Variants in SBNO1 observed in about 807,000 individuals in gnomAD.
SBNO1 encodes the protein protein strawberry notch homolog 1.
A neutral mutation model predicts 173.6 loss-of-function variants in SBNO1; 23 were observed. The observed-to-expected ratio is 0.13, with a 90% confidence interval of 0.10 to 0.19. The LOEUF is 0.19. Ranked by LOEUF, SBNO1 falls within the 10% of genes least tolerant of loss-of-function variation. The pLI is 1.00. For missense variants in SBNO1, 1,238 were observed against 1,671.2 expected (o/e 0.74, Z 4.52); for synonymous variants, 632 against 571.5 (o/e 1.11, Z -1.51).
At chr12:123,362,984 G>A (rs1350192747) in intron 1 of SBNO1, among the ~76,000 whole-genome samples, 1 of 151,958 alleles carries the variant, frequency 6.6e-6, no homozygotes, top group Non-Finnish European at 1.5e-5. Context: ...CTACTCCGGA[G>A]GCTGAAGTGG....
chr12:123,302,245 TTTTTG>T (rs2048814185), intron 30 of SBNO1, among the ~76,000 whole-genome samples: 2 of 138,690 alleles, frequency 1.4e-5, no homozygotes, highest in African/African-American at 5.4e-5. Flanking sequence ...ATTGTTTTTT[TTTTTG>T]TTTTTTTTTT....
At position 123,294,890 on chromosome 12, in the gene SBNO1, CAAA is replaced by C. The variant is rs1465598508; in HGVS notation, c.*1015_*1017del. On this transcript the variant is annotated 3_prime_UTR_variant, in exon 32 of 32. Coordinates refer to ENST00000602398, the MANE Select transcript of SBNO1 (RefSeq NM_001167856.3). ...TGAGTAACAACAATAACAACAATAA[CAAA>C]AGAACACACAGCAGAAGCCTCAAGT... 1.3e-5 allele frequency: 2 copies of C among 150,700 alleles called. No individual in the cohort carries two copies. The highest frequency in any genetic ancestry group is 1.5e-5 in the Non-Finnish European group (1 of 68,040). 9.3% of individuals were successfully genotyped at this position (150,700 alleles called of 1,614,324 possible).
intron 5 of SBNO1, among the ~76,000 whole-genome samples, chr12:123,339,001 A>C (rs1192092540): frequency 6.6e-6 from 1 of 151,748 alleles, no homozygotes; most frequent in Non-Finnish European, 1.5e-5. Context: ...GCCAATAAAA[A>C]ACTTTTGGTA....
rs1874074816 is a variant in SBNO1 at position 123,353,118 on chromosome 12, TA to T, written c.1-2678del. On this transcript the variant is annotated intron_variant, in intron 1 of 31. Transcript: ENST00000602398. ...CAGCCTCCCAAAGGAGATTTCTCCA[TA>T]ATTTTCCAGAAAAAGGAAAAGCAAC... Among the ~76,000 whole-genome samples the T allele has an allele frequency of 2.6e-5, 4 of 152,250 alleles. No individual in the cohort carries two copies. In the South Asian group the frequency reaches 8.3e-4, roughly 32 times the overall value.
chr12:123,330,596 A>T (rs1008231765), intron 8 of SBNO1, 87 bp from the exon 9 acceptor site: 4 of 575,864 alleles, frequency 6.9e-6, no homozygotes, highest in African/African-American at 4.9e-5. Context: ...AGGTCTTGAC[A>T]CTTAAAAAAA....
At chr12:123,363,906 A>G (rs1412869448) in intron 1 of SBNO1, 2 of 985,350 alleles carry the variant, frequency 2.0e-6, no homozygotes, top group African/African-American at 3.5e-5. Context: ...GAACATCCAA[A>G]TCTCCTCAGC....
chr12:123,330,925 G>A (rs182447130), intron 8 of SBNO1, among the ~76,000 whole-genome samples: 44 of 152,136 alleles, frequency 2.9e-4, no homozygotes, highest in African/African-American at 1.0e-3. Flanking sequence ...TGTCTAGATG[G>A]GGAAGGCGGA....
intron 4 of SBNO1, among the ~76,000 whole-genome samples, chr12:123,341,778 T>A (rs1241153846): frequency 6.6e-6 from 1 of 151,960 alleles, no homozygotes; most frequent in Non-Finnish European, 1.5e-5. Context: ...TCTGCCCACT[T>A]TGGCATCCCA....
At chr12:123,304,555 TA>T in intron 29 of SBNO1, 26 bp downstream of exon 29, 1 of 1,457,644 alleles carries the variant, frequency 6.9e-7, no homozygotes, top group South Asian at 1.2e-5. Context: ...TATTCCTATA[TA>T]ATATAATGTA....
At chr12:123,304,766 T>C (rs1268171737) in intron 28 of SBNO1, 47 bp from the exon 29 acceptor site, 8 of 1,214,144 alleles carry the variant, frequency 6.6e-6, no homozygotes, top group Non-Finnish European at 9.5e-6. Flanking sequence ...AATACACACT[T>C]TAAGACATGT....
At chr12:123,314,147 ATTATCT>A (rs1204266988) in intron 23 of SBNO1, among the ~76,000 whole-genome samples, 2 of 152,054 alleles carry the variant, frequency 1.3e-5, no homozygotes, top group Non-Finnish European at 2.9e-5. Context: ...GCAATTCTCA[ATTATCT>A]TTATATGTAT....
At position 123,292,226 on chromosome 12, in the gene SBNO1, G is replaced by A. The variant is rs1373256478; in HGVS notation, c.*3682C>T. ...ATTGGGAGGCCTGAACTAATCAAAC[G>A]TTCATTAATAGGATCCCAGCCTAAC... is the stretch of plus-strand genomic sequence containing the variant. On this transcript the variant is annotated 3_prime_UTR_variant, in exon 32 of 32. Transcript: ENST00000602398. 6.6e-6 allele frequency: 1 copy of A among 152,036 alleles called. No homozygotes were observed. Among genetic ancestry groups the A allele is most frequent in the Non-Finnish European group, 1.5e-5 (1 of 68,036 alleles). 9.4% of individuals were successfully genotyped at this position (152,036 alleles called of 1,614,324 possible).
intron 24 of SBNO1, 130 bp from the exon 25 acceptor site, chr12:123,311,259 T>A: frequency 1.5e-6 from 1 of 663,458 alleles, no homozygotes; most frequent in Non-Finnish European, 2.6e-6. Flanking sequence ...TATATAAACA[T>A]GGAGAAAATG....
intron 5 of SBNO1, among the ~76,000 whole-genome samples, chr12:123,338,925 T>C (rs7309967): frequency 0.14 from 3,992 of 29,142 alleles, 231 homozygotes; most frequent in East Asian, 0.39. Context: ...CCCCCCCCCC[T>C]CCCCGACTAG....
intron 25 of SBNO1, among the ~76,000 whole-genome samples, chr12:123,310,680 A>G (rs936868081): frequency 6.6e-6 from 1 of 151,300 alleles, no homozygotes; most frequent in Non-Finnish European, 1.5e-5. Context: ...GACTACAGGC[A>G]CCCGCCACCA....
Position 123,295,625 on chromosome 12 carries a change from G to A in SBNO1, c.*283C>T. ...GTAGCCTTTAACACACTCACAAACA[G>A]ACTGACACACACGCACACACACATC... On this transcript the variant is annotated 3_prime_UTR_variant, in exon 32 of 32. Transcript: ENST00000602398. The A allele has an allele frequency of 1.5e-5, 5 of 341,800 alleles. No homozygotes were observed. The South Asian group carries it at 1.8e-4, about 12-fold the overall frequency. The allele number at this position is 341,800 out of a possible 1,614,324, so 21.2% of individuals were successfully genotyped here.
At position 123,318,876 on chromosome 12, in the gene SBNO1, A is replaced by G. The variant is rs745514806; in HGVS notation, c.2799+1024T>C. On this transcript the variant is annotated intron_variant, in intron 20 of 31. Transcript: ENST00000602398. ...AGCAATAAAATAAACAGTGAAACCA[A>G]AATTACTAGTAATATGGACACACAT... is the stretch of plus-strand genomic sequence containing the variant. Among the ~76,000 whole-genome samples the G allele has an allele frequency of 1.2e-3, 185 of 152,162 alleles. 6 individuals carry two copies. The highest frequency in any genetic ancestry group is 2.6e-4 in the Non-Finnish European group (18 of 68,032).
At chr12:123,323,461 T>C (rs1417791299) in intron 16 of SBNO1, among the ~76,000 whole-genome samples, 1 of 152,080 alleles carries the variant, frequency 6.6e-6, no homozygotes, top group Non-Finnish European at 1.5e-5. Flanking sequence ...TTCACGACAT[T>C]CTCCTGCCTC....
At chr12:123,331,998 T>C (rs1428314939) in intron 7 of SBNO1, among the ~76,000 whole-genome samples, 1 of 151,318 alleles carries the variant, frequency 6.6e-6, no homozygotes, top group Non-Finnish European at 1.5e-5. Flanking sequence ...ATTACAGGTA[T>C]GCACCACCAC....
Sources: gnomAD v4.1 joint callset for allele counts (sites outside exome capture counted in the v4.1 genomes callset) on GRCh38, gnomAD v4.1.1 for gene constraint, MANE v1.5 for transcripts, NCBI Gene and HGNC (gene_info 2026-07-23, HGNC 2026-07-21) for gene names.